The following SLC8A3 variants were observed in gnomAD, a reference collection of about 807,000 sequenced individuals.
SLC8A3 encodes the protein sodium/calcium exchanger 3.
SLC8A3 carries 37 observed loss-of-function variants against 65.4 expected under a neutral mutation model. The observed-to-expected ratio is 0.57, with a 90% CI of 0.44 to 0.74. The LOEUF is 0.74. SLC8A3 is among the 30% of genes least tolerant of loss of function. The probability of loss-of-function intolerance (pLI) is 0.00; values close to 1 mark genes in which losing one functional copy is unlikely to be tolerated. For missense variants in SLC8A3, 1,112 were observed against 1,172.1 expected, an observed-to-expected ratio of 0.95 and a Z score of 0.75; for synonymous variants, 461 against 444.5, an observed-to-expected ratio of 1.04 and a Z score of -0.47.
At chr14:70,129,027 T>C (rs1347356653) in intron 2 of SLC8A3, among the ~76,000 whole-genome samples, 1 of 152,218 alleles carries the variant, frequency 6.6e-6, no homozygotes, top group Non-Finnish European at 1.5e-5. Context: ...GCTCTGGGTC[T>C]AAATCCCAAC....
intron 2 of SLC8A3, among the ~76,000 whole-genome samples, chr14:70,164,810 A>G (rs887493909): frequency 2.8e-4 from 43 of 152,304 alleles, no homozygotes; most frequent in Non-Finnish European, 5.6e-4. Context: ...ACATCGCGAT[A>G]ATCATGTGAA....
chr14:70,115,483 CA>C (rs1893594153), intron 2 of SLC8A3, among the ~76,000 whole-genome samples: 1 of 152,096 alleles, frequency 6.6e-6, no homozygotes, highest in African/African-American at 2.4e-5. Flanking sequence ...TCTAACTTTA[CA>C]AAGTTATTAT....
chr14:70,088,352 G>A (rs1176607373), intron 2 of SLC8A3, among the ~76,000 whole-genome samples: 2 of 152,144 alleles, frequency 1.3e-5, no homozygotes, highest in Non-Finnish European at 2.9e-5. Flanking sequence ...AGTCTCCTGT[G>A]GATACTGCTC....
At chr14:70,176,278 G>A (rs1442986085) in intron 1 of SLC8A3, among the ~76,000 whole-genome samples, 1 of 152,136 alleles carries the variant, frequency 6.6e-6, no homozygotes, top group East Asian at 1.9e-4. Flanking sequence ...CCCATGGCTG[G>A]GTCTACATCT....
chr14:70,124,380 G>C (rs1258204707), intron 2 of SLC8A3, among the ~76,000 whole-genome samples: 1 of 152,154 alleles, frequency 6.6e-6, no homozygotes, highest in East Asian at 1.9e-4. Context: ...ATCTTTCACT[G>C]TCTTCTCCAC....
At chr14:70,072,595 G>GTCCATCCATCCA (rs36178413) in intron 2 of SLC8A3, among the ~76,000 whole-genome samples, 28 of 149,796 alleles carry the variant, frequency 1.9e-4, no homozygotes, top group African/African-American at 6.9e-4. Flanking sequence ...CTATCTATCC[G>GTCCATCCATCCA]TCCATCCATC....
intron 3 of SLC8A3, among the ~76,000 whole-genome samples, chr14:70,057,872 C>T (rs957244699): frequency 6.6e-6 from 1 of 151,964 alleles, no homozygotes; most frequent in Non-Finnish European, 1.5e-5. Context: ...GAGGACCAAA[C>T]AGGCCCCATT....
chr14:70,112,682 A>T (rs1893390318), intron 2 of SLC8A3, among the ~76,000 whole-genome samples: 1 of 152,206 alleles, frequency 6.6e-6, no homozygotes, highest in Non-Finnish European at 1.5e-5. Flanking sequence ...AACAATATAC[A>T]TTTATTGTCT....
intron 2 of SLC8A3, among the ~76,000 whole-genome samples, chr14:70,072,463 G>T (rs1890097400): frequency 6.6e-6 from 1 of 151,908 alleles, no homozygotes; most frequent in Non-Finnish European, 1.5e-5. Context: ...TGCCTTGTAG[G>T]GTAGCTCTAC....
intron 2 of SLC8A3, among the ~76,000 whole-genome samples, chr14:70,158,266 G>A (rs59535814): frequency 0.011 from 1,632 of 152,286 alleles, 23 homozygotes; most frequent in African/African-American, 0.032. Context: ...GCCAGGGCTC[G>A]GTTAGCCCTT....
intron 5 of SLC8A3, 101 bp from the exon 6 acceptor site, chr14:70,049,143 A>T (rs1335532183): frequency 1.7e-6 from 2 of 1,169,346 alleles, no homozygotes; most frequent in African/African-American, 3.0e-5. Context: ...ATCCGCTAGA[A>T]GGGGACTCCA....
intron 2 of SLC8A3, among the ~76,000 whole-genome samples, chr14:70,072,911 G>T (rs1890141972): frequency 6.6e-6 from 1 of 152,202 alleles, no homozygotes; most frequent in African/African-American, 2.4e-5. Flanking sequence ...GCCTCCCAAA[G>T]TGCTGGGATT....
intron 2 of SLC8A3, among the ~76,000 whole-genome samples, chr14:70,086,640 G>A (rs985248082): frequency 6.6e-6 from 1 of 152,036 alleles, no homozygotes; most frequent in Middle Eastern, 3.2e-3. Context: ...CTGATCTCAA[G>A]TGGTCTGCCC....
intron 2 of SLC8A3, among the ~76,000 whole-genome samples, chr14:70,158,343 T>C (rs1174789999): frequency 1.3e-5 from 2 of 152,206 alleles, no homozygotes. Flanking sequence ...GAAGTGGGGT[T>C]GGTGAAGGTC....
chr14:70,176,493 G>A (rs1897918691), intron 1 of SLC8A3, among the ~76,000 whole-genome samples: 1 of 152,174 alleles, frequency 6.6e-6, no homozygotes. Flanking sequence ...ATACAGACAA[G>A]GTTGAAAATC....
intron 2 of SLC8A3, among the ~76,000 whole-genome samples, chr14:70,086,838 C>T (rs905928279): frequency 3.3e-5 from 5 of 152,198 alleles, no homozygotes; most frequent in African/African-American, 1.2e-4. Flanking sequence ...TAAGACCAGA[C>T]ATGCCAAGCC....
intron 2 of SLC8A3, among the ~76,000 whole-genome samples, chr14:70,067,866 G>A (rs544287529): frequency 3.3e-5 from 5 of 152,070 alleles, no homozygotes; most frequent in South Asian, 2.1e-4. Flanking sequence ...TCTTCTTCCC[G>A]CACAGTGGCA....
At chr14:70,096,830 G>A (rs78635870) in intron 2 of SLC8A3, among the ~76,000 whole-genome samples, 3,728 of 152,194 alleles carry the variant, frequency 0.024, 148 homozygotes, top group African/African-American at 0.085. Context: ...GGTCTTTTGC[G>A]GGATGAGGAG....
chr14:70,120,793 G>A (rs1016274709), intron 2 of SLC8A3, among the ~76,000 whole-genome samples: 2 of 152,114 alleles, frequency 1.3e-5, no homozygotes, highest in Non-Finnish European at 2.9e-5. Context: ...TTACTAGTTC[G>A]TTCATTCAAC....
Sources: gnomAD v4.1 joint callset for allele counts (sites outside exome capture counted in the v4.1 genomes callset) on GRCh38, gnomAD v4.1.1 for gene constraint, MANE v1.5 for transcripts, NCBI Gene and HGNC (gene_info 2026-07-23, HGNC 2026-07-21) for gene names.